Variants in OCA2 observed in about 807,000 individuals in gnomAD.
OCA2 encodes the protein OCA2 melanosomal transmembrane protein, also known as P protein.
Under a neutral mutation model 100.2 loss-of-function variants are expected in OCA2, and 77 were observed. The ratio of observed to expected loss-of-function variants is 0.77; its 90% CI spans 0.64 to 0.93. The LOEUF (loss-of-function observed/expected upper bound fraction) is 0.93, where lower values mean the gene tolerates loss of function less well. Among genes scored for constraint, OCA2 ranks in the 40% least tolerant of loss-of-function variants. The probability of loss-of-function intolerance (pLI) is 0.00; values close to 1 mark genes in which losing one functional copy is unlikely to be tolerated. For missense variants in OCA2, 1,062 were observed against 1,089.1 expected (o/e 0.98, Z 0.35); for synonymous variants, 432 against 439.2 (o/e 0.98, Z 0.21).
At chr15:27,901,759 G>A (rs1018208576) in intron 19 of OCA2, among the ~76,000 whole-genome samples, 7 of 152,210 alleles carry the variant, frequency 4.6e-5, no homozygotes, top group Non-Finnish European at 8.8e-5. Context: ...ATTTTTAAAT[G>A]ATGATACAGA....
At chr15:27,889,444 C>G (rs2037366039) in intron 19 of OCA2, among the ~76,000 whole-genome samples, 1 of 152,166 alleles carries the variant, frequency 6.6e-6, no homozygotes, top group Admixed American at 6.5e-5. Context: ...AGAAAGGCCC[C>G]TGGGGCTCCA....
chr15:27,750,434 G>A (rs1366998617), downstream of OCA2, among the ~76,000 whole-genome samples: 4 of 152,128 alleles, frequency 2.6e-5, no homozygotes, highest in Non-Finnish European at 5.9e-5. Context: ...TGACCCCTTG[G>A]AATAGGCATT....
chr15:27,801,335 C>T (rs1017245658), intron 23 of OCA2, among the ~76,000 whole-genome samples: 10 of 152,064 alleles, frequency 6.6e-5, no homozygotes, highest in African/African-American at 1.7e-4. Flanking sequence ...GGGCAGATCA[C>T]GAGGTCAAGA....
chr15:28,086,654 G>C (rs1009586722), intron 1 of OCA2, among the ~76,000 whole-genome samples: 7 of 152,048 alleles, frequency 4.6e-5, no homozygotes, highest in African/African-American at 1.5e-4. Flanking sequence ...GGAGATGTTA[G>C]AATTATCTGA....
chr15:27,900,008 C>T (rs2037862902), intron 19 of OCA2, among the ~76,000 whole-genome samples: 1 of 152,046 alleles, frequency 6.6e-6, no homozygotes, highest in Non-Finnish European at 1.5e-5. Flanking sequence ...AATAAAGGTA[C>T]CATTACCTTT....
At chr15:28,060,821 G>A (rs2043850628) in intron 2 of OCA2, among the ~76,000 whole-genome samples, 1 of 152,176 alleles carries the variant, frequency 6.6e-6, no homozygotes, top group African/African-American at 2.4e-5. Flanking sequence ...AGCAGAATTG[G>A]ACTAGGGCAC....
At chr15:27,933,412 G>T (rs1411006261) in intron 18 of OCA2, among the ~76,000 whole-genome samples, 1 of 152,160 alleles carries the variant, frequency 6.6e-6, no homozygotes, top group Non-Finnish European at 1.5e-5. Context: ...AATGATTATA[G>T]GGTTTCTTCT....
At chr15:27,971,587 C>G (rs548004349) in intron 14 of OCA2, among the ~76,000 whole-genome samples, 7 of 152,242 alleles carry the variant, frequency 4.6e-5, no homozygotes, top group African/African-American at 1.7e-4. Context: ...TCCTCCCTAC[C>G]TACCTGTCCA....
chr15:27,895,927 A>G, intron 19 of OCA2: 1 of 647,836 alleles, frequency 1.5e-6, no homozygotes, highest in Non-Finnish European at 2.8e-6. Context: ...ATATGATAGT[A>G]CGCACAGCAT....
At chr15:28,042,535 G>A (rs1470806866) in intron 2 of OCA2, among the ~76,000 whole-genome samples, 1 of 151,846 alleles carries the variant, frequency 6.6e-6, no homozygotes, top group Non-Finnish European at 1.5e-5. Context: ...AGCTACTTGG[G>A]AGGCTGAGGC....
At chr15:27,961,114 C>A (rs1172757015) in intron 15 of OCA2, among the ~76,000 whole-genome samples, 1 of 152,008 alleles carries the variant, frequency 6.6e-6, no homozygotes, top group African/African-American at 2.4e-5. Context: ...AAGAAAAAAA[C>A]AACCCCATCA....
intron 23 of OCA2, among the ~76,000 whole-genome samples, chr15:27,834,887 C>A (rs377220350): frequency 6.6e-6 from 1 of 152,206 alleles, no homozygotes; most frequent in Non-Finnish European, 1.5e-5. Flanking sequence ...CTCCTAACTG[C>A]TGATAAGTGA....
intron 14 of OCA2, among the ~76,000 whole-genome samples, chr15:27,972,823 A>ATTTTCTTTTC (rs1316949943): frequency 2.1e-4 from 3 of 14,114 alleles, no homozygotes; most frequent in Admixed American, 5.4e-4. Flanking sequence ...TTTGATGGTT[A>ATTTTCTTTTC]TTTTATTTTA....
chr15:27,782,575 A>G (rs2032599274), intron 23 of OCA2, among the ~76,000 whole-genome samples: 1 of 152,226 alleles, frequency 6.6e-6, no homozygotes, highest in Non-Finnish European at 1.5e-5. Flanking sequence ...TAATTGATAA[A>G]GAATGCCCCC....
chr15:28,052,077 G>A (rs1156812517), intron 2 of OCA2, among the ~76,000 whole-genome samples: 1 of 152,136 alleles, frequency 6.6e-6, no homozygotes, highest in Non-Finnish European at 1.5e-5. Context: ...GAGGCTGGCT[G>A]GGGTGCTGAA....
intron 11 of OCA2, among the ~76,000 whole-genome samples, 163 bp from the exon 12 acceptor site, chr15:27,986,806 T>C (rs1228362889): frequency 6.6e-6 from 1 of 152,206 alleles, no homozygotes; most frequent in African/African-American, 2.4e-5. Context: ...CCTGGAATAG[T>C]ACACTCACTC....
At chr15:27,995,915 C>A (rs1370001784) in intron 9 of OCA2, among the ~76,000 whole-genome samples, 1 of 151,250 alleles carries the variant, frequency 6.6e-6, no homozygotes, top group Admixed American at 6.6e-5. Context: ...CAGGTTCAAG[C>A]AATTCTCCTG....
At chr15:27,743,012 G>A in the OCA2 span, among the ~76,000 whole-genome samples, 1 of 152,182 alleles carries the variant, frequency 6.6e-6, no homozygotes, top group Non-Finnish European at 1.5e-5. Flanking sequence ...TTTATCCATG[G>A]CATAAAATGC....
chr15:27,933,200 A>G (rs1439704369), intron 18 of OCA2, among the ~76,000 whole-genome samples: 1 of 152,228 alleles, frequency 6.6e-6, no homozygotes, highest in African/African-American at 2.4e-5. Context: ...ACCTAAACAT[A>G]AAGTCTAAAA....
Sources: allele counts gnomAD v4.1 joint callset (sites outside exome capture counted in the v4.1 genomes callset), GRCh38; gene constraint gnomAD v4.1.1; transcripts MANE v1.5; gene names NCBI Gene and HGNC (gene_info 2026-07-23, HGNC 2026-07-21).